The following SORCS2 variants were observed in gnomAD, a reference collection of about 807,000 sequenced individuals.
The protein encoded by SORCS2 is sortilin related VPS10 domain containing receptor 2, also known as VPS10 domain-containing receptor SorCS2.
A neutral mutation model predicts 141.6 loss-of-function variants in SORCS2; 100 were observed. The ratio of observed to expected loss-of-function variants is 0.71; its 90% CI spans 0.60 to 0.83. The LOEUF (loss-of-function observed/expected upper bound fraction) is 0.83. SORCS2 is among the 40% of genes least tolerant of loss of function. SORCS2 has a pLI of 0.00. For missense variants in SORCS2, 1,646 were observed against 1,560.2 expected, an observed-to-expected ratio of 1.05 and a Z score of -0.93; for synonymous variants, 789 against 676.9, an observed-to-expected ratio of 1.17 and a Z score of -2.57.
chr4:7,470,250 C>T (rs1729889248), intron 2 of SORCS2, among the ~76,000 whole-genome samples: 1 of 151,496 alleles, frequency 6.6e-6, no homozygotes, highest in African/African-American at 2.4e-5. Flanking sequence ...TCCATCCTCC[C>T]ATCCTCCCAT....
At chr4:7,351,897 C>G (rs1205020283) in intron 1 of SORCS2, among the ~76,000 whole-genome samples, 1 of 152,194 alleles carries the variant, frequency 6.6e-6, no homozygotes, top group Non-Finnish European at 1.5e-5. Flanking sequence ...GTCCACCCAA[C>G]TGTCTACTGT....
At chr4:7,295,291 C>T (rs1716970918) in intron 1 of SORCS2, among the ~76,000 whole-genome samples, 2 of 148,398 alleles carry the variant, frequency 1.3e-5, no homozygotes, top group Admixed American at 1.3e-4. Flanking sequence ...GCACAGCAGC[C>T]CCTCTGAGCC....
At chr4:7,603,230 T>C (rs1205414811) in intron 3 of SORCS2, among the ~76,000 whole-genome samples, 1 of 152,142 alleles carries the variant, frequency 6.6e-6, no homozygotes, top group Non-Finnish European at 1.5e-5. Flanking sequence ...TATTATTGAT[T>C]TGTAACTCAG....
chr4:7,373,711 C>T (rs867600036), intron 1 of SORCS2, among the ~76,000 whole-genome samples: 24 of 151,130 alleles, frequency 1.6e-4, no homozygotes, highest in Middle Eastern at 3.4e-3. Context: ...AGGCTGGTCT[C>T]GAACTCCTGA....
chr4:7,333,240 C>G (rs938936625), intron 1 of SORCS2, among the ~76,000 whole-genome samples: 17 of 152,224 alleles, frequency 1.1e-4, no homozygotes, highest in African/African-American at 3.4e-4. Flanking sequence ...GTGCCCACAC[C>G]TGCCTCTTGC....
intron 26 of SORCS2, among the ~76,000 whole-genome samples, chr4:7,739,720 G>C (rs1051603530): frequency 6.6e-6 from 1 of 152,064 alleles, no homozygotes; most frequent in Non-Finnish European, 1.5e-5. Flanking sequence ...CTGGGTCCTC[G>C]ACCTGTCTCC....
chr4:7,263,835 C>T (rs11731935), intron 1 of SORCS2, among the ~76,000 whole-genome samples: 2,976 of 152,314 alleles, frequency 0.02, 40 homozygotes, highest in Middle Eastern at 0.044. Flanking sequence ...TCCACCCCGA[C>T]GTGGACACTG....
intron 22 of SORCS2, 148 bp from the exon 23 acceptor site, chr4:7,729,439 A>G (rs1727449065): frequency 3.7e-6 from 4 of 1,088,084 alleles, no homozygotes; most frequent in African/African-American, 1.6e-5. Context: ...GGGACCCTGG[A>G]AGGATCCCCA....
chr4:7,585,283 C>G (rs1716462452), intron 3 of SORCS2, among the ~76,000 whole-genome samples: 1 of 152,226 alleles, frequency 6.6e-6, no homozygotes, highest in Admixed American at 6.5e-5. Flanking sequence ...ACCGTCAGCT[C>G]TAGTGCGGCC....
chr4:7,624,420 C>T (rs188253479), intron 3 of SORCS2, among the ~76,000 whole-genome samples: 10 of 152,308 alleles, frequency 6.6e-5, no homozygotes, highest in East Asian at 5.8e-4. Context: ...GATAAGAAAA[C>T]ATTAAGAATG....
At chr4:7,316,224 A>ATCCATCCT (rs1666091032) in intron 1 of SORCS2, among the ~76,000 whole-genome samples, 1 of 151,654 alleles carries the variant, frequency 6.6e-6, no homozygotes, top group South Asian at 2.1e-4. Context: ...CCATCCATCC[A>ATCCATCCT]TCCATCCATC....
At chr4:7,643,138 G>C (rs532513913) in intron 4 of SORCS2, among the ~76,000 whole-genome samples, 2 of 152,224 alleles carry the variant, frequency 1.3e-5, no homozygotes, top group Admixed American at 6.5e-5. Context: ...ACTTTACAAT[G>C]CTTCCCTTAT....
At chr4:7,701,582 C>T (rs2109012271) in intron 12 of SORCS2, among the ~76,000 whole-genome samples, 1 of 152,298 alleles carries the variant, frequency 6.6e-6, no homozygotes, top group Non-Finnish European at 1.5e-5. Flanking sequence ...CTGTAAGTGT[C>T]ACGGAAGCAT....
At chr4:7,653,346 T>G (rs1300739773) in intron 4 of SORCS2, among the ~76,000 whole-genome samples, 5 of 152,152 alleles carry the variant, frequency 3.3e-5, no homozygotes, top group Non-Finnish European at 5.9e-5. Flanking sequence ...TGGGTTCAAG[T>G]GATTCTCCTG....
chr4:7,667,133 G>A lies in SORCS2; in HGVS notation c.1081G>A (p.Ala361Thr), dbSNP rs1019905948. 2 of 1,613,142 alleles carry A rather than the reference G, an allele frequency of 1.2e-6. No homozygotes were observed. The highest frequency in any genetic ancestry group is 1.7e-6 in the Non-Finnish European group (2 of 1,179,170). The part of the protein sequence containing the change: ...DDYIFFKATS[A>T]NQTKYYVSYR... ...TTCTTCCCCCGGTTAGGCAACATCA[G>A]CAAACCAGACAAAATACTACGTCTC... Residue 361 changes from alanine (A) to threonine (T), a missense_variant, in exon 8 of 27, where the codon GCA becomes ACA. Ala to Thr is a moderately conservative substitution (Grantham distance 58). Coordinates refer to ENST00000507866, the MANE Select transcript of SORCS2 (RefSeq NM_020777.3).
intron 1 of SORCS2, among the ~76,000 whole-genome samples, chr4:7,329,466 G>A (rs762544138): frequency 6.6e-6 from 1 of 152,164 alleles, no homozygotes; most frequent in Non-Finnish European, 1.5e-5. Flanking sequence ...TGCCGCTGAG[G>A]GGGTCCCCTG....
chr4:7,689,224 C>G (rs926074550), intron 10 of SORCS2, among the ~76,000 whole-genome samples: 1 of 152,064 alleles, frequency 6.6e-6, no homozygotes, highest in Non-Finnish European at 1.5e-5. Flanking sequence ...ACCAACAGAT[C>G]CTCCCAGGTG....
Position 7,732,773 on chromosome 4 carries a change from A to G in SORCS2, c.3109-549A>G, listed in dbSNP as rs367610268. 3.9e-5 allele frequency among the ~76,000 whole-genome samples: 6 copies of G among 151,988 alleles called. No homozygotes were observed. In the East Asian group the frequency reaches 7.8e-4, roughly 20 times the overall value. ...TTCCCGACTAAAACAAGAGCTCATG[A>G]AGGCCAGAGCCATGTCTCGGTCGCC... On this transcript the variant is annotated intron_variant, in intron 23 of 26. Transcript: ENST00000507866.
intron 3 of SORCS2, among the ~76,000 whole-genome samples, chr4:7,628,318 C>T (rs556038028): frequency 2.0e-5 from 3 of 152,200 alleles, no homozygotes; most frequent in South Asian, 2.1e-4. Flanking sequence ...GTCAGGAGAT[C>T]CAGACCATCC....
Sources: gnomAD v4.1 joint callset for allele counts (sites outside exome capture counted in the v4.1 genomes callset) on GRCh38, gnomAD v4.1.1 for gene constraint, MANE v1.5 for transcripts, NCBI Gene and HGNC (gene_info 2026-07-23, HGNC 2026-07-21) for gene names.